Variants in RAB38 observed in about 807,000 individuals in gnomAD.
The protein encoded by RAB38 is RAB38, member RAS oncogene family.
In RAB38, 15 loss-of-function variants were observed where a neutral mutation model predicts 18.4. The observed-to-expected ratio is 0.82, with a 90% CI of 0.55 to 1.26. The LOEUF is 1.26. Ranked by LOEUF, RAB38 falls within the 50% of genes most tolerant of loss-of-function variation. RAB38 has a pLI of 0.00. For synonymous variants in RAB38, 101 were observed against 104.4 expected, an observed-to-expected ratio of 0.97 and a Z score of 0.20; for missense variants, 294 against 267.4, an observed-to-expected ratio of 1.10 and a Z score of -0.69.
At chr11:88,027,007 A>T in the RAB38 span, among the ~76,000 whole-genome samples, 8 of 152,194 alleles carry the variant, frequency 5.3e-5, no homozygotes, top group African/African-American at 1.9e-4. Context: ...CAATGACCTC[A>T]CATTTTTTAA....
chr11:88,044,135 A>G, the RAB38 span, among the ~76,000 whole-genome samples: 3 of 152,104 alleles, frequency 2.0e-5, no homozygotes, highest in Non-Finnish European at 4.4e-5. Flanking sequence ...CCGGTCACGG[A>G]CTCCAGAAGG....
the RAB38 span, among the ~76,000 whole-genome samples, chr11:87,978,035 A>AT: frequency 3.7e-5 from 2 of 53,676 alleles, no homozygotes; most frequent in Non-Finnish European, 8.7e-5. Flanking sequence ...TTACACATAC[A>AT]TAATACATCT....
At chr11:87,912,290 C>T in the RAB38 span, among the ~76,000 whole-genome samples, 1 of 151,842 alleles carries the variant, frequency 6.6e-6, no homozygotes, top group Non-Finnish European at 1.5e-5. Flanking sequence ...TATTTTTTCT[C>T]TTTGTTTAGT....
At chr11:88,092,084 G>C in the RAB38 span, among the ~76,000 whole-genome samples, 1 of 151,766 alleles carries the variant, frequency 6.6e-6, no homozygotes, top group African/African-American at 2.4e-5. Flanking sequence ...GTATGGCAGT[G>C]ATCAATGAGG....
the RAB38 span, among the ~76,000 whole-genome samples, chr11:87,949,485 G>A: frequency 1.3e-5 from 2 of 152,254 alleles, no homozygotes; most frequent in African/African-American, 4.8e-5. Flanking sequence ...TGATGTTAGG[G>A]TGTCAATTTT....
the RAB38 span, among the ~76,000 whole-genome samples, chr11:88,095,826 G>A: frequency 6.6e-6 from 1 of 151,780 alleles, no homozygotes. Context: ...AGTTACTCAA[G>A]ACAAAAACTT....
At chr11:88,082,146 G>A in the RAB38 span, among the ~76,000 whole-genome samples, 1 of 151,766 alleles carries the variant, frequency 6.6e-6, no homozygotes, top group Non-Finnish European at 1.5e-5. Context: ...CTGGGGTGAT[G>A]AAAATGATCA....
chr11:87,930,799 C>T, the RAB38 span, among the ~76,000 whole-genome samples: 2 of 151,992 alleles, frequency 1.3e-5, no homozygotes, highest in Non-Finnish European at 2.9e-5. Flanking sequence ...GCCAGTTTTC[C>T]CAGCACCATT....
the RAB38 span, among the ~76,000 whole-genome samples, chr11:87,888,346 A>G: frequency 5.3e-5 from 8 of 152,086 alleles, no homozygotes; most frequent in African/African-American, 1.9e-4. Context: ...AATTGATGCA[A>G]TGCAGTATAG....
the RAB38 span, among the ~76,000 whole-genome samples, chr11:87,896,876 A>G: frequency 6.6e-6 from 1 of 151,760 alleles, no homozygotes; most frequent in South Asian, 2.1e-4. Context: ...AAGAGCTAGT[A>G]TCTTCTTCCA....
intron 2 of RAB38, among the ~76,000 whole-genome samples, chr11:88,128,226 G>T (rs941916518): frequency 3.3e-5 from 5 of 152,160 alleles, no homozygotes; most frequent in Non-Finnish European, 7.4e-5. Context: ...CGTTTCACCA[G>T]CTGTGAAGGG....
chr11:88,078,257 G>A, the RAB38 span, among the ~76,000 whole-genome samples: 105 of 152,066 alleles, frequency 6.9e-4, no homozygotes, highest in Middle Eastern at 0.01. Context: ...ACTGTGTGGA[G>A]GTTCCTCAGA....
the RAB38 span, among the ~76,000 whole-genome samples, chr11:88,101,387 G>A: frequency 6.6e-6 from 1 of 151,728 alleles, no homozygotes; most frequent in Non-Finnish European, 1.5e-5. Flanking sequence ...TAACAACATA[G>A]ATATCCAGCA....
chr11:87,853,846 C>T, the RAB38 span, among the ~76,000 whole-genome samples: 29,883 of 152,070 alleles, frequency 0.2, 3,752 homozygotes, highest in African/African-American at 0.34. Context: ...TTCACCAGCT[C>T]ATAATCAAGG....
chr11:88,039,957 G>A, the RAB38 span, among the ~76,000 whole-genome samples: 4 of 152,166 alleles, frequency 2.6e-5, no homozygotes, highest in Admixed American at 2.6e-4. Context: ...GATTGTAAAA[G>A]AAACAAGGTA....
the RAB38 span, among the ~76,000 whole-genome samples, chr11:88,038,349 C>T: frequency 6.6e-6 from 1 of 152,180 alleles, no homozygotes; most frequent in Admixed American, 6.5e-5. Context: ...TTCCAGACCA[C>T]ATCGCAATTG....
At chr11:87,804,974 G>A in the RAB38 span, among the ~76,000 whole-genome samples, 2 of 152,102 alleles carry the variant, frequency 1.3e-5, no homozygotes, top group Non-Finnish European at 2.9e-5. Flanking sequence ...CAATATCTCA[G>A]CCTTGTGAAA....
the RAB38 span, among the ~76,000 whole-genome samples, chr11:88,024,816 T>C: frequency 6.6e-6 from 1 of 152,050 alleles, no homozygotes; most frequent in South Asian, 2.1e-4. Flanking sequence ...TCAAAACGAT[T>C]GAACTCATGG....
chr11:88,128,447 C>A (rs1031942038), intron 2 of RAB38, among the ~76,000 whole-genome samples: 3 of 152,116 alleles, frequency 2.0e-5, no homozygotes, highest in Non-Finnish European at 4.4e-5. Flanking sequence ...CTTGATTAGC[C>A]GTAAGTTACT....
Sources: allele counts gnomAD v4.1 joint callset (sites outside exome capture counted in the v4.1 genomes callset), GRCh38; gene constraint gnomAD v4.1.1; transcripts MANE v1.5; gene names NCBI Gene and HGNC (gene_info 2026-07-23, HGNC 2026-07-21).